Variants in DNAJC1 observed in about 807,000 individuals in gnomAD.
DNAJC1 encodes dnaJ homolog subfamily C member 1.
Under a neutral mutation model 76.6 loss-of-function variants are expected in DNAJC1, and 58 were observed. The observed-to-expected ratio is 0.76, with a 90% confidence interval of 0.61 to 0.94. The LOEUF (loss-of-function observed/expected upper bound fraction) is 0.94, where lower values mean the gene tolerates loss of function less well. DNAJC1 is among the 40% of genes least tolerant of loss of function. The pLI, the probability that DNAJC1 is intolerant of heterozygous loss-of-function variation, is 0.00. For synonymous variants in DNAJC1, 258 were observed against 267.9 expected (o/e 0.96, Z 0.36); for missense variants, 689 against 677.3 (o/e 1.02, Z -0.19).
chr10:21,759,573 CT>C lies in DNAJC1; in HGVS notation c.1192del (p.Arg398GlyfsTer13). 1.2e-6 allele frequency: 2 copies of C among 1,614,148 alleles called. No individual in the cohort carries two copies. Among genetic ancestry groups the C allele is most frequent in the Non-Finnish European group, 1.7e-6 (2 of 1,180,042 alleles). On this transcript the variant is annotated frameshift_variant, in exon 11 of 12. Coordinates refer to ENST00000376980, the MANE Select transcript of DNAJC1 (RefSeq NM_022365.4). LOFTEE classifies it high-confidence loss of function. Reference protein sequence around the residue: ...SELKSTVQNSRPIKTATTLPD... With the variant: ...SELKSTVQNSXPIKTATTLPD... ...CAAGGTGGTGGCCGTTTTGATGGGCCTGGAATTCTGAACTGTCGATTTGAGT... is the reference window on the plus strand; with the variant it reads ...CAAGGTGGTGGCCGTTTTGATGGGCCGGAATTCTGAACTGTCGATTTGAGT...
intron 8 of DNAJC1, among the ~76,000 whole-genome samples, chr10:21,809,701 C>T (rs1834934866): frequency 6.6e-6 from 1 of 152,024 alleles, no homozygotes; most frequent in South Asian, 2.1e-4. Context: ...TCTATAAACA[C>T]TTTTAGTGCA....
At chr10:21,865,172 T>C (rs1019644046) in intron 8 of DNAJC1, among the ~76,000 whole-genome samples, 2 of 152,088 alleles carry the variant, frequency 1.3e-5, no homozygotes, top group Admixed American at 6.5e-5. Flanking sequence ...TCTTAAATGG[T>C]TAAACTATAC....
At chr10:21,766,041 T>C (rs1430519357) in intron 10 of DNAJC1, among the ~76,000 whole-genome samples, 1 of 152,198 alleles carries the variant, frequency 6.6e-6, no homozygotes, top group Admixed American at 6.5e-5. Context: ...TGTATACTTA[T>C]TTAACCTTAT....
At chr10:21,879,112 G>T (rs1836231433) in intron 8 of DNAJC1, among the ~76,000 whole-genome samples, 1 of 152,164 alleles carries the variant, frequency 6.6e-6, no homozygotes, top group African/African-American at 2.4e-5. Context: ...GGAAGAGAAG[G>T]AAATAGTGGC....
At chr10:21,877,564 A>T (rs1836206737) in intron 8 of DNAJC1, among the ~76,000 whole-genome samples, 1 of 152,194 alleles carries the variant, frequency 6.6e-6, no homozygotes, top group South Asian at 2.1e-4. Context: ...CAATAACCAT[A>T]AGAAAAGGTG....
chr10:21,886,003 G>C (rs1332897665), intron 7 of DNAJC1, among the ~76,000 whole-genome samples: 1 of 151,372 alleles, frequency 6.6e-6, no homozygotes. Context: ...AAATGAAGGA[G>C]ACAGAGACAA....
intron 1 of DNAJC1, among the ~76,000 whole-genome samples, chr10:22,002,858 T>TAAA (rs555296824): frequency 7.3e-6 from 1 of 137,412 alleles, no homozygotes; most frequent in Non-Finnish European, 1.6e-5. Context: ...GGTGTTAAAT[T>TAAA]AAAAAAAAAA....
chr10:21,970,473 A>G (rs1037333225), intron 1 of DNAJC1, among the ~76,000 whole-genome samples: 1 of 152,226 alleles, frequency 6.6e-6, no homozygotes, highest in African/African-American at 2.4e-5. Context: ...ATTCTCAGTT[A>G]CAAGACAGGC....
At chr10:21,912,063 G>A (rs1338271132) in intron 6 of DNAJC1, among the ~76,000 whole-genome samples, 2 of 152,148 alleles carry the variant, frequency 1.3e-5, no homozygotes, top group Admixed American at 6.5e-5. Flanking sequence ...AGGAAAATGT[G>A]TAATTATAAT....
At chr10:21,999,942 C>T (rs1838491533) in intron 1 of DNAJC1, among the ~76,000 whole-genome samples, 1 of 152,146 alleles carries the variant, frequency 6.6e-6, no homozygotes, top group Non-Finnish European at 1.5e-5. Flanking sequence ...CCTGAATAAC[C>T]AATTGCCTAC....
chr10:21,961,343 A>G (rs1240070176), intron 1 of DNAJC1, among the ~76,000 whole-genome samples: 1 of 152,250 alleles, frequency 6.6e-6, no homozygotes, highest in Middle Eastern at 3.2e-3. Context: ...CAACAGATAA[A>G]TGGATAAACA....
chr10:21,976,114 C>T (rs1290981574), intron 1 of DNAJC1, among the ~76,000 whole-genome samples: 1 of 151,996 alleles, frequency 6.6e-6, no homozygotes, highest in Non-Finnish European at 1.5e-5. Context: ...TCTTGAAGGA[C>T]CATACAATAA....
At chr10:21,800,253 G>T (rs1834799296) in intron 9 of DNAJC1, among the ~76,000 whole-genome samples, 1 of 152,066 alleles carries the variant, frequency 6.6e-6, no homozygotes, top group African/African-American at 2.4e-5. Context: ...CACTTCATGG[G>T]CAATGGTGAA....
intron 6 of DNAJC1, among the ~76,000 whole-genome samples, chr10:21,907,843 T>G (rs1164828917): frequency 6.7e-6 from 1 of 150,108 alleles, no homozygotes; most frequent in African/African-American, 2.5e-5. Context: ...CCAGGTGTGG[T>G]GGCAGGCACC....
chr10:21,967,564 T>C (rs1282270772), intron 1 of DNAJC1, among the ~76,000 whole-genome samples: 1 of 152,242 alleles, frequency 6.6e-6, no homozygotes, highest in East Asian at 1.9e-4. Context: ...ATTTGGTTCC[T>C]TTTAAATCTG....
At chr10:21,836,800 C>T (rs1022918570) in intron 8 of DNAJC1, among the ~76,000 whole-genome samples, 6 of 152,250 alleles carry the variant, frequency 3.9e-5, no homozygotes, top group East Asian at 1.9e-4. Flanking sequence ...TATATGCACC[C>T]GATACAGGAG....
At chr10:21,836,197 T>C (rs1056549874) in intron 8 of DNAJC1, among the ~76,000 whole-genome samples, 7 of 152,292 alleles carry the variant, frequency 4.6e-5, no homozygotes, top group African/African-American at 1.2e-4. Context: ...AAAGAATTTT[T>C]AACCCAGAAT....
At chr10:21,888,340 A>G (rs1168234559) in intron 7 of DNAJC1, among the ~76,000 whole-genome samples, 1 of 152,316 alleles carries the variant, frequency 6.6e-6, no homozygotes, top group Admixed American at 6.5e-5. Flanking sequence ...TTCCTCAAAG[A>G]GCTAAAAGCA....
chr10:21,804,432 G>A (rs930724542), intron 9 of DNAJC1, among the ~76,000 whole-genome samples: 3 of 151,666 alleles, frequency 2.0e-5, no homozygotes, highest in Non-Finnish European at 4.4e-5. Context: ...TGTATTAATA[G>A]CAGCTATGTA....
Sources: gnomAD v4.1 joint callset for allele counts (sites outside exome capture counted in the v4.1 genomes callset) on GRCh38, gnomAD v4.1.1 for gene constraint, MANE v1.5 for transcripts, NCBI Gene and HGNC (gene_info 2026-07-23, HGNC 2026-07-21) for gene names.